The following AP2A2 variants were observed in gnomAD, a reference collection of about 807,000 sequenced individuals.
The protein encoded by AP2A2 is AP-2 complex subunit alpha-2.
In AP2A2, 32 loss-of-function variants were observed where a neutral mutation model predicts 104.2. That is an observed-to-expected ratio of 0.31 (90% CI 0.23 to 0.41). The LOEUF is 0.41. AP2A2 is among the 10% of genes least tolerant of loss of function. The pLI is 1.00. For synonymous variants in AP2A2, 539 were observed against 533.3 expected (o/e 1.01, Z -0.15); for missense variants, 912 against 1,261.0 (o/e 0.72, Z 4.19).
At chr11:934,412 C>T (rs1413358830) in intron 1 of AP2A2, among the ~76,000 whole-genome samples, 1 of 152,176 alleles carries the variant, frequency 6.6e-6, no homozygotes, top group Non-Finnish European at 1.5e-5. Context: ...AGGTGTGAGC[C>T]ACTGCGCCCA....
At chr11:1,000,120 T>C (rs1055836343) in intron 14 of AP2A2, among the ~76,000 whole-genome samples, 9 of 152,194 alleles carry the variant, frequency 5.9e-5, no homozygotes, top group African/African-American at 2.2e-4. Context: ...TTTATGTCTT[T>C]CATGGCAAAA....
At chr11:957,939 T>G (rs1270709993) in intron 1 of AP2A2, among the ~76,000 whole-genome samples, 2 of 152,236 alleles carry the variant, frequency 1.3e-5, no homozygotes, top group Non-Finnish European at 2.9e-5. Flanking sequence ...TGTGGACAGT[T>G]GTAGGTGCTC....
intron 5 of AP2A2, among the ~76,000 whole-genome samples, chr11:980,040 G>C (rs1440447049): frequency 6.6e-6 from 1 of 151,480 alleles, no homozygotes; most frequent in Admixed American, 6.6e-5. Context: ...CAGGCTGCCC[G>C]GTGCCGTGTC....
intron 1 of AP2A2, among the ~76,000 whole-genome samples, chr11:952,581 C>G (rs957952919): frequency 2.9e-4 from 44 of 152,292 alleles, no homozygotes; most frequent in African/African-American, 1.1e-3. Flanking sequence ...GTACAGTACC[C>G]TTAGTGCTGA....
chr11:978,295 G>A (rs1855121914), intron 5 of AP2A2, among the ~76,000 whole-genome samples: 1 of 152,180 alleles, frequency 6.6e-6, no homozygotes, highest in Non-Finnish European at 1.5e-5. Context: ...TGCACGCTCT[G>A]TGGGACTGGC....
At chr11:981,520 G>A (rs1469222205) in intron 6 of AP2A2, among the ~76,000 whole-genome samples, 1 of 152,226 alleles carries the variant, frequency 6.6e-6, no homozygotes, top group South Asian at 2.1e-4. Flanking sequence ...CACCATGTGG[G>A]TGGAGGAGGG....
At chr11:963,767 C>T (rs535466063) in intron 2 of AP2A2, among the ~76,000 whole-genome samples, 26 of 152,332 alleles carry the variant, frequency 1.7e-4, no homozygotes, top group Non-Finnish European at 2.4e-4. Context: ...GGACCACAGG[C>T]GCGCACCACC....
chr11:987,476 C>T (rs1307438783), intron 9 of AP2A2, among the ~76,000 whole-genome samples: 3 of 151,788 alleles, frequency 2.0e-5, no homozygotes, highest in African/African-American at 4.8e-5. Flanking sequence ...GGTGAAACCC[C>T]GTCTTTACTA....
intron 1 of AP2A2, among the ~76,000 whole-genome samples, chr11:941,961 C>G (rs764533780): frequency 7.2e-5 from 11 of 151,804 alleles, no homozygotes; most frequent in Non-Finnish European, 7.4e-5. Context: ...GAGTCTCGCT[C>G]TGTCACCCAG....
At position 993,280 on chromosome 11, in the gene AP2A2, G is replaced by T. The variant is rs193021661; in HGVS notation, c.1453-4G>T. 8.1e-6 allele frequency: 13 copies of T among 1,603,346 alleles called. No individual in the cohort carries two copies. In the South Asian group the frequency reaches 1.3e-4, roughly 16 times the overall value. On this transcript the variant is annotated splice_polypyrimidine_tract_variant and splice_region_variant and intron_variant, in intron 11 of 21. Transcript: ENST00000448903. The surrounding 1 kb of genome is among the most constrained non-coding windows in gnomAD (Gnocchi z 8.2). ...CACCCCGGCTCATTGTTTGTGCTTCGCAGGCTCTTCAGGCTCCCGCGTGCC... is the reference window on the plus strand; with the variant it reads ...CACCCCGGCTCATTGTTTGTGCTTCTCAGGCTCTTCAGGCTCCCGCGTGCC...
chr11:954,646 G>T (rs117357920), intron 1 of AP2A2, among the ~76,000 whole-genome samples: 1,819 of 152,084 alleles, frequency 0.012, 15 homozygotes, highest in Non-Finnish European at 0.019. Flanking sequence ...ACGTGTATTT[G>T]TGTGTATATA....
chr11:980,942 CT>C (rs1855217628), intron 5 of AP2A2, among the ~76,000 whole-genome samples: 1 of 152,230 alleles, frequency 6.6e-6, no homozygotes, highest in African/African-American at 2.4e-5. Flanking sequence ...GGACGTGGCC[CT>C]CTGGCTCTTC....
intron 1 of AP2A2, 25 bp downstream of exon 1, chr11:926,113 C>T: frequency 3.2e-6 from 4 of 1,255,544 alleles, no homozygotes; most frequent in Non-Finnish European, 4.0e-6. Flanking sequence ...CGGCGTGGGG[C>T]CGGGGCCGGG....
At chr11:979,261 C>T (rs1277239337) in intron 5 of AP2A2, among the ~76,000 whole-genome samples, 2 of 149,864 alleles carry the variant, frequency 1.3e-5, no homozygotes, top group Admixed American at 6.7e-5. Flanking sequence ...GGGAACACAC[C>T]GTGAACATTC....
intron 1 of AP2A2, among the ~76,000 whole-genome samples, chr11:959,101 T>TA (rs1854337121): frequency 6.6e-6 from 1 of 152,226 alleles, no homozygotes; most frequent in East Asian, 1.9e-4. Context: ...TCCAGCAAGA[T>TA]ATTTGAGTTC....
chr11:992,398 A>G lies in AP2A2; in HGVS notation c.1270-105A>G. ...CTCCATGTCCCAAACTTTTGTAGAC[A>G]CATTGAGGTGCTTCTGAAACTCTCA... On this transcript the variant is annotated intron_variant, in intron 10 of 21. Transcript: ENST00000448903. The surrounding 1 kb of genome is among the most constrained non-coding windows in gnomAD (Gnocchi z 6.4). 8.4e-7 allele frequency: 1 copy of G among 1,188,100 alleles called. No homozygotes were observed. Among genetic ancestry groups the G allele is most frequent in the South Asian group, 1.3e-5 (1 of 76,164 alleles). The allele number at this position is 1,188,100 out of a possible 1,614,324, so 73.6% of individuals were successfully genotyped here.
intron 1 of AP2A2, among the ~76,000 whole-genome samples, chr11:957,289 C>G (rs1854268774): frequency 6.6e-6 from 1 of 152,246 alleles, no homozygotes; most frequent in South Asian, 2.1e-4. Context: ...TCCCCAAACC[C>G]TGTCCTCCTG....
chr11:1,011,040 G>A lies in AP2A2; in HGVS notation c.*415G>A. On this transcript the variant is annotated 3_prime_UTR_variant, in exon 22 of 22. Coordinates refer to ENST00000448903, the MANE Select transcript of AP2A2 (RefSeq NM_012305.4). The stretch of plus-strand genomic sequence containing the variant: ...TGTGCATGGCGTGGGCTGAGCCTTG[G>A]TGTGTGGCCGTCCTGGTGGCTGCAC... 3.1e-6 allele frequency: 2 copies of A among 652,040 alleles called. No homozygotes were observed. Among genetic ancestry groups the A allele is most frequent in the Non-Finnish European group, 5.8e-6 (2 of 347,314 alleles). The allele number at this position is 652,040 out of a possible 1,614,324, so 40.4% of individuals were successfully genotyped here. A position where few individuals can be genotyped will look rare whatever the true frequency, so the allele number is the denominator to read the frequency against.
At chr11:937,404 C>T (rs1238392239) in intron 1 of AP2A2, among the ~76,000 whole-genome samples, 1 of 152,146 alleles carries the variant, frequency 6.6e-6, no homozygotes, top group Non-Finnish European at 1.5e-5. Flanking sequence ...CATGTCAGAT[C>T]TCTGCCATCT....
Sources: allele counts gnomAD v4.1 joint callset (sites outside exome capture counted in the v4.1 genomes callset), GRCh38; gene constraint gnomAD v4.1.1; non-coding constraint Gnocchi (gnomAD v3.1); transcripts MANE v1.5; gene names NCBI Gene and HGNC (gene_info 2026-07-23, HGNC 2026-07-21).